Variants in MCTP1 observed in about 807,000 individuals in gnomAD.
MCTP1 encodes the protein multiple C2 and transmembrane domain-containing protein 1.
A neutral mutation model predicts 120.6 loss-of-function variants in MCTP1; 69 were observed. That is an observed-to-expected ratio of 0.57 (90% CI 0.47 to 0.70). MCTP1 has a LOEUF of 0.70. Among genes scored for constraint, MCTP1 ranks in the 30% least tolerant of loss-of-function variants. MCTP1 has a pLI of 0.00. For synonymous variants in MCTP1, 529 were observed against 493.1 expected, an observed-to-expected ratio of 1.07 and a Z score of -0.96; for missense variants, 1,203 against 1,248.8, an observed-to-expected ratio of 0.96 and a Z score of 0.55.
At chr5:94,859,506 C>T (rs1220642064) in intron 17 of MCTP1, among the ~76,000 whole-genome samples, 2 of 151,686 alleles carry the variant, frequency 1.3e-5, no homozygotes, top group Non-Finnish European at 3.0e-5. Flanking sequence ...GCTAATTACT[C>T]TGATTTTATC....
chr5:94,966,193 G>A (rs6894879), intron 2 of MCTP1, among the ~76,000 whole-genome samples: 58,415 of 151,942 alleles, frequency 0.38, 11,505 homozygotes, highest in African/African-American at 0.45. Context: ...ATAAGTGACA[G>A]GAATGGAGGG....
intron 1 of MCTP1, among the ~76,000 whole-genome samples, chr5:95,072,717 A>G (rs1368052458): frequency 6.7e-6 from 1 of 149,736 alleles, no homozygotes; most frequent in Non-Finnish European, 1.5e-5. Context: ...TCTAGCTCCA[A>G]ATTTGGACTC....
intron 2 of MCTP1, among the ~76,000 whole-genome samples, chr5:94,971,144 T>C (rs112275700): frequency 1.3e-5 from 2 of 152,184 alleles, no homozygotes; most frequent in Admixed American, 6.5e-5. Flanking sequence ...CAGTTTTGTA[T>C]CCTTAAAATG....
chr5:94,831,599 G>A (rs1358343051), intron 17 of MCTP1, among the ~76,000 whole-genome samples: 2 of 152,144 alleles, frequency 1.3e-5, no homozygotes, highest in Admixed American at 6.5e-5. Context: ...TTTAGCCATT[G>A]AGCACAGTGT....
At chr5:94,923,748 G>T (rs540152274) in intron 7 of MCTP1, among the ~76,000 whole-genome samples, 2 of 152,058 alleles carry the variant, frequency 1.3e-5, no homozygotes, top group African/African-American at 4.8e-5. Context: ...TGACTTCAAA[G>T]AAATATGTTC....
At chr5:95,221,000 G>A (rs1404154421) in intron 1 of MCTP1, among the ~76,000 whole-genome samples, 1 of 152,170 alleles carries the variant, frequency 6.6e-6, no homozygotes, top group Non-Finnish European at 1.5e-5. Flanking sequence ...GACCTAAAGT[G>A]CTTAAAATAA....
chr5:95,109,682 G>T (rs1203612376), intron 1 of MCTP1, among the ~76,000 whole-genome samples: 2 of 152,138 alleles, frequency 1.3e-5, no homozygotes, highest in Non-Finnish European at 2.9e-5. Flanking sequence ...CAAATCTATT[G>T]ACTTTCATGA....
chr5:94,811,663 C>G (rs1444991130), intron 17 of MCTP1, among the ~76,000 whole-genome samples: 1 of 152,200 alleles, frequency 6.6e-6, no homozygotes, highest in African/African-American at 2.4e-5. Context: ...TGCTGCATGT[C>G]TATGGTGTTG....
intron 1 of MCTP1, among the ~76,000 whole-genome samples, chr5:95,041,854 T>C (rs887721144): frequency 1.3e-5 from 2 of 152,216 alleles, no homozygotes; most frequent in African/African-American, 2.4e-5. Flanking sequence ...AAGATTAACA[T>C]ACACTTCTTC....
At chr5:95,090,137 G>C (rs775611666) in intron 1 of MCTP1, among the ~76,000 whole-genome samples, 16 of 152,206 alleles carry the variant, frequency 1.1e-4, no homozygotes, top group Non-Finnish European at 1.6e-4. Context: ...AAGAGAGCAT[G>C]TTTTAAAATC....
chr5:94,751,201 T>C (rs1232136497), intron 19 of MCTP1, among the ~76,000 whole-genome samples: 1 of 152,094 alleles, frequency 6.6e-6, no homozygotes, highest in Non-Finnish European at 1.5e-5. Flanking sequence ...CTTTCTCTCC[T>C]TTTCTCCTTT....
At chr5:95,115,080 G>A (rs1582280137) in intron 1 of MCTP1, among the ~76,000 whole-genome samples, 6 of 152,094 alleles carry the variant, frequency 3.9e-5, no homozygotes. Flanking sequence ...CTTGGATTGG[G>A]GTGCCATATG....
intron 19 of MCTP1, among the ~76,000 whole-genome samples, chr5:94,768,008 A>G (rs1773185369): frequency 6.6e-6 from 1 of 152,224 alleles, no homozygotes; most frequent in Admixed American, 6.5e-5. Flanking sequence ...AAAATATGCT[A>G]TAAAGCTTTA....
chr5:95,267,917 T>G (rs943369669), intron 1 of MCTP1, among the ~76,000 whole-genome samples: 1 of 152,192 alleles, frequency 6.6e-6, no homozygotes, highest in African/African-American at 2.4e-5. Flanking sequence ...CCTGCTGTGG[T>G]TCCTTCTGCC....
At chr5:94,878,055 C>T (rs1356659506) in intron 12 of MCTP1, among the ~76,000 whole-genome samples, 2 of 152,126 alleles carry the variant, frequency 1.3e-5, no homozygotes, top group African/African-American at 4.8e-5. Flanking sequence ...CTACCTTGTA[C>T]AAATTAAGTT....
chr5:95,014,970 C>A (rs537279580), intron 2 of MCTP1, among the ~76,000 whole-genome samples: 88 of 152,248 alleles, frequency 5.8e-4, no homozygotes, highest in Admixed American at 4.5e-3. Context: ...CGAGGCAAGA[C>A]CCTCCAACAG....
At chr5:95,143,182 G>A (rs1760087029) in intron 1 of MCTP1, among the ~76,000 whole-genome samples, 2 of 152,090 alleles carry the variant, frequency 1.3e-5, no homozygotes, top group Non-Finnish European at 2.9e-5. Flanking sequence ...GAATATAGAA[G>A]AATGGCATGC....
At chr5:94,720,060 A>G (rs1760516933) in intron 19 of MCTP1, among the ~76,000 whole-genome samples, 1 of 152,152 alleles carries the variant, frequency 6.6e-6, no homozygotes, top group Non-Finnish European at 1.5e-5. Context: ...TGGGAGGCAG[A>G]GGTTGCGGTG....
intron 1 of MCTP1, among the ~76,000 whole-genome samples, chr5:95,120,724 T>A (rs1329516874): frequency 9.9e-5 from 15 of 152,166 alleles, no homozygotes; most frequent in Admixed American, 9.8e-4. Flanking sequence ...CTATAAATAG[T>A]ATAATACTGA....
Sources: allele counts gnomAD v4.1 joint callset (sites outside exome capture counted in the v4.1 genomes callset), GRCh38; gene constraint gnomAD v4.1.1; transcripts MANE v1.5; gene names NCBI Gene and HGNC (gene_info 2026-07-23, HGNC 2026-07-21).